GALNTL6: variants seen among roughly 807,000 people sequenced by gnomAD.
GALNTL6 encodes polypeptide N-acetylgalactosaminyltransferase-like 6.
A neutral mutation model predicts 73.7 loss-of-function variants in GALNTL6; 46 were observed. That is an observed-to-expected ratio of 0.62 (90% confidence interval 0.49 to 0.80). The LOEUF is 0.80. GALNTL6 is among the 30% of genes least tolerant of loss of function. The pLI is 0.00. For synonymous variants in GALNTL6, 259 were observed against 263.7 expected (o/e 0.98, Z 0.17); for missense variants, 604 against 755.0 (o/e 0.80, Z 2.34).
At chr4:172,858,793 TCAAAGATGAA>T (rs1395618150) in intron 7 of GALNTL6, among the ~76,000 whole-genome samples, 1 of 151,862 alleles carries the variant, frequency 6.6e-6, no homozygotes. Context: ...ATGGCCCCAC[TCAAAGATGAA>T]CAACCAGATA....
intron 2 of GALNTL6, among the ~76,000 whole-genome samples, chr4:172,131,068 G>A (rs1275727268): frequency 6.6e-6 from 1 of 151,912 alleles, no homozygotes; most frequent in Non-Finnish European, 1.5e-5. Flanking sequence ...TCCTAAAAGT[G>A]TTCTATTACA....
At chr4:172,531,796 C>T (rs1174685451) in intron 5 of GALNTL6, among the ~76,000 whole-genome samples, 1 of 152,116 alleles carries the variant, frequency 6.6e-6, no homozygotes, top group East Asian at 1.9e-4. Flanking sequence ...AGTTGCTGGG[C>T]AAGGGTGTGG....
chr4:172,287,116 A>G (rs1034162758), intron 3 of GALNTL6, among the ~76,000 whole-genome samples: 5 of 152,216 alleles, frequency 3.3e-5, no homozygotes, highest in African/African-American at 9.6e-5. Flanking sequence ...ACTATCATCC[A>G]TCCTAACCCA....
rs563437970 is a variant in GALNTL6, at chr4:171,963,347, TAGA to T, written c.138+148632_138+148634del. Among the ~76,000 whole-genome samples the T allele has an allele frequency of 1.2e-3, 188 of 152,268 alleles. 2 individuals carry two copies. Among genetic ancestry groups the T allele is most frequent in the African/African-American group, 4.4e-3 (184 of 41,562 alleles). ...GTAAGTTTACATATCCATATATTTA[TAGA>T]AGGATTATAGAAAAAGGTCTGAGCC... On this transcript the variant is annotated intron_variant, in intron 2 of 12. Transcript: ENST00000506823.
intron 2 of GALNTL6, among the ~76,000 whole-genome samples, chr4:172,013,929 G>T (rs1477836298): frequency 1.3e-5 from 2 of 148,332 alleles, no homozygotes; most frequent in Non-Finnish European, 3.0e-5. Flanking sequence ...GAGTTCAGTT[G>T]TTTTAATTTT....
intron 5 of GALNTL6, among the ~76,000 whole-genome samples, chr4:172,756,532 C>G (rs1003659870): frequency 2.0e-5 from 3 of 151,924 alleles, no homozygotes; most frequent in African/African-American, 7.3e-5. Flanking sequence ...GCAATCCCAG[C>G]TACTTAGGAG....
intron 7 of GALNTL6, among the ~76,000 whole-genome samples, chr4:172,821,094 A>T (rs567347280): frequency 6.6e-6 from 1 of 152,316 alleles, no homozygotes; most frequent in East Asian, 1.9e-4. Context: ...GAAAACTAAC[A>T]TCTGTTTAGC....
Position 172,603,672 on chromosome 4 carries a change from G to A in GALNTL6, c.554-205689G>A, listed in dbSNP as rs115312847. The stretch of plus-strand genomic sequence containing the variant: ...GATTTTGTCTTCCTGTGCACTAGAA[G>A]ACAAAACCTTTAAAACTTTCCTTCT... On this transcript the variant is annotated intron_variant, in intron 5 of 12. Coordinates refer to ENST00000506823, the MANE Select transcript of GALNTL6 (RefSeq NM_001034845.3). Among the ~76,000 whole-genome samples, 1,056 of 152,174 alleles carry A rather than the reference G, an allele frequency of 6.9e-3. 10 individuals are homozygous for A. The highest frequency in any genetic ancestry group is 0.01 in the Non-Finnish European group (697 of 67,998).
chr4:172,392,757 T>C (rs1215382785), intron 5 of GALNTL6, among the ~76,000 whole-genome samples: 2 of 152,214 alleles, frequency 1.3e-5, no homozygotes, highest in African/African-American at 4.8e-5. Flanking sequence ...TCTCTACTGC[T>C]TAGCTTATCG....
At chr4:172,021,510 A>G (rs953946634) in intron 2 of GALNTL6, among the ~76,000 whole-genome samples, 2 of 152,098 alleles carry the variant, frequency 1.3e-5, no homozygotes, top group Non-Finnish European at 2.9e-5. Flanking sequence ...TAAAATGTCC[A>G]TATTATCCAA....
At chr4:172,890,215 G>A (rs894154727) in intron 8 of GALNTL6, among the ~76,000 whole-genome samples, 19 of 151,706 alleles carry the variant, frequency 1.3e-4, no homozygotes, top group African/African-American at 4.1e-4. Context: ...TTTTTATTTT[G>A]TTGATCCTTT....
chr4:172,600,931 A>C (rs538560980), intron 5 of GALNTL6, among the ~76,000 whole-genome samples: 17 of 152,160 alleles, frequency 1.1e-4, no homozygotes, highest in Admixed American at 2.0e-4. Flanking sequence ...AAAAACATAA[A>C]AGTGTGAAGA....
intron 2 of GALNTL6, among the ~76,000 whole-genome samples, chr4:172,185,783 G>A (rs1336914777): frequency 2.0e-5 from 3 of 152,116 alleles, no homozygotes; most frequent in African/African-American, 4.8e-5. Context: ...GGATTTTCTT[G>A]AGAATGTTGA....
chr4:172,518,756 G>T (rs942677611), intron 5 of GALNTL6, among the ~76,000 whole-genome samples: 4 of 151,764 alleles, frequency 2.6e-5, no homozygotes, highest in Non-Finnish European at 4.4e-5. Context: ...AAAAATAAAT[G>T]CAATTACTGT....
At chr4:171,933,036 A>G (rs1738235434) in intron 2 of GALNTL6, among the ~76,000 whole-genome samples, 1 of 152,206 alleles carries the variant, frequency 6.6e-6, no homozygotes, top group African/African-American at 2.4e-5. Flanking sequence ...TAGAATCTCC[A>G]TCTTAGCAAG....
intron 2 of GALNTL6, among the ~76,000 whole-genome samples, chr4:172,096,625 T>C (rs1732366757): frequency 1.3e-5 from 2 of 152,208 alleles, no homozygotes; most frequent in African/African-American, 4.8e-5. Context: ...CATGTTTTGT[T>C]TGATCCACAA....
At chr4:172,236,900 T>G (rs968199171) in intron 3 of GALNTL6, among the ~76,000 whole-genome samples, 3 of 152,190 alleles carry the variant, frequency 2.0e-5, no homozygotes, top group African/African-American at 7.2e-5. Context: ...TCTTAGTGTC[T>G]GTTGTTCCCT....
At chr4:172,589,916 A>ATT (rs1737567661) in intron 5 of GALNTL6, among the ~76,000 whole-genome samples, 3 of 152,046 alleles carry the variant, frequency 2.0e-5, no homozygotes, top group Non-Finnish European at 4.4e-5. Context: ...TAATGGACCA[A>ATT]TTTTTTACTC....
At chr4:171,875,162 A>G (rs1736241045) in intron 2 of GALNTL6, among the ~76,000 whole-genome samples, 2 of 152,178 alleles carry the variant, frequency 1.3e-5, no homozygotes, top group African/African-American at 4.8e-5. Context: ...TGATGATGAT[A>G]ATGTTACCAG....
Sources: allele counts gnomAD v4.1 joint callset (sites outside exome capture counted in the v4.1 genomes callset), GRCh38; gene constraint gnomAD v4.1.1; transcripts MANE v1.5; gene names NCBI Gene and HGNC (gene_info 2026-07-23, HGNC 2026-07-21).